NEDD4L: variants seen among roughly 807,000 people sequenced by gnomAD.
NEDD4L encodes E3 ubiquitin-protein ligase NEDD4-like.
NEDD4L carries 54 observed loss-of-function variants against 148.9 expected under a neutral mutation model. The observed-to-expected ratio is 0.36, with a 90% confidence interval of 0.29 to 0.45. The LOEUF is 0.45. NEDD4L is among the 20% of genes least tolerant of loss of function. The probability of loss-of-function intolerance (pLI) is 1.00; values close to 1 mark genes in which losing one functional copy is unlikely to be tolerated. For missense variants in NEDD4L, 856 were observed against 1,233.8 expected, an observed-to-expected ratio of 0.69 and a Z score of 4.59; for synonymous variants, 433 against 440.7, an observed-to-expected ratio of 0.98 and a Z score of 0.22.
chr18:58,064,210 C>T (rs549169521), intron 1 of NEDD4L, among the ~76,000 whole-genome samples: 4 of 152,112 alleles, frequency 2.6e-5, no homozygotes, highest in South Asian at 2.1e-4. Flanking sequence ...GTGATCTGCC[C>T]GTCTCGGCTT....
intron 5 of NEDD4L, among the ~76,000 whole-genome samples, chr18:58,263,007 A>G (rs2049663670): frequency 6.6e-6 from 1 of 152,202 alleles, no homozygotes; most frequent in Non-Finnish European, 1.5e-5. Context: ...CTGTTCTGAC[A>G]CTTTTGAGTA....
At chr18:58,325,438 G>C (rs2059228817) in intron 9 of NEDD4L, among the ~76,000 whole-genome samples, 1 of 152,198 alleles carries the variant, frequency 6.6e-6, no homozygotes, top group Non-Finnish European at 1.5e-5. Context: ...GAAATACAAA[G>C]CAGAGGTTGT....
intron 2 of NEDD4L, among the ~76,000 whole-genome samples, chr18:58,238,319 G>T (rs2046260743): frequency 6.6e-6 from 1 of 152,258 alleles, no homozygotes; most frequent in East Asian, 1.9e-4. Context: ...GCCCTTTAGG[G>T]TTTGTTATTG....
chr18:58,143,678 C>T (rs1002704938), intron 1 of NEDD4L, among the ~76,000 whole-genome samples: 5 of 152,106 alleles, frequency 3.3e-5, no homozygotes, highest in Admixed American at 6.5e-5. Context: ...CCAGAGAGGC[C>T]GTGGATGGGA....
chr18:58,044,954 C>A, intron 1 of NEDD4L: 1 of 455,338 alleles, frequency 2.2e-6, no homozygotes, highest in Non-Finnish European at 3.9e-6. Context: ...GGGGTTCACT[C>A]CGCAGCTCCT....
At chr18:58,046,730 T>G (rs543285781) in intron 1 of NEDD4L, 1 of 152,350 alleles carries the variant, frequency 6.6e-6, no homozygotes, top group Non-Finnish European at 1.5e-5. Flanking sequence ...CTGGATTCAC[T>G]CCTGCATGTT....
intron 5 of NEDD4L, among the ~76,000 whole-genome samples, chr18:58,276,678 T>TATAATA (rs200793115): frequency 1.4e-5 from 2 of 141,088 alleles, no homozygotes; most frequent in African/African-American, 5.6e-5. Flanking sequence ...TGTGGTCAGC[T>TATAATA]ATAATAATAA....
intron 1 of NEDD4L, among the ~76,000 whole-genome samples, chr18:58,116,077 C>T (rs1037215061): frequency 1.8e-4 from 27 of 152,220 alleles, no homozygotes; most frequent in African/African-American, 6.0e-4. Context: ...TGTGCCTGCA[C>T]AGGGACCCAG....
chr18:58,116,872 C>T (rs60164410), intron 1 of NEDD4L, among the ~76,000 whole-genome samples: 28,097 of 152,222 alleles, frequency 0.18, 2,959 homozygotes, highest in East Asian at 0.43. Context: ...CAGCAAGGAG[C>T]GGGGGCTTGG....
intron 19 of NEDD4L, among the ~76,000 whole-genome samples, chr18:58,363,492 G>A (rs377496077): frequency 6.6e-5 from 10 of 152,086 alleles, no homozygotes; most frequent in South Asian, 2.1e-4. Flanking sequence ...CAAAACTCAC[G>A]GCCCTGACTC....
chr18:58,368,246 C>T (rs545613267), intron 22 of NEDD4L, among the ~76,000 whole-genome samples: 2 of 107,690 alleles, frequency 1.9e-5, no homozygotes, highest in East Asian at 4.5e-4. Context: ...GCGTTTGTCC[C>T]CAAATTATTT....
intron 2 of NEDD4L, among the ~76,000 whole-genome samples, chr18:58,224,303 TGA>T (rs2044109227): frequency 6.6e-6 from 1 of 152,150 alleles, no homozygotes; most frequent in South Asian, 2.1e-4. Flanking sequence ...CAGAAGCCAT[TGA>T]GAGTCCTGGG....
At position 58,163,086 on chromosome 18, in the gene NEDD4L, A is replaced by T. The variant is rs533196842; in HGVS notation, c.49-2702A>T. 1.0e-3 allele frequency among the ~76,000 whole-genome samples: 152 copies of T among 150,746 alleles called. 1 individual carries two copies. Among genetic ancestry groups the T allele is most frequent in the African/African-American group, 3.4e-3 (139 of 40,700 alleles). On this transcript the variant is annotated intron_variant, in intron 1 of 30. Transcript: ENST00000400345. Reference sequence around the variant, plus strand: ...CTCAAAAAAAAGAAAAAAAAAAAAGAAATGGGGTGTTGCTATGTTGCCCAG... The same window carrying T: ...CTCAAAAAAAAGAAAAAAAAAAAAGTAATGGGGTGTTGCTATGTTGCCCAG...
chr18:58,395,921 C>T lies in NEDD4L; in HGVS notation c.2826-246C>T, dbSNP rs6566965. Among the ~76,000 whole-genome samples the T allele has an allele frequency of 0.052, 7,895 of 152,176 alleles. 272 individuals carry two copies. Among genetic ancestry groups the T allele is most frequent in the South Asian group, 0.18 (877 of 4,812 alleles). ...TACTCCCTTCCCACCAGGATTCCTC[C>T]GAGATCTGCATCTGACTATAGCAAA... On this transcript the variant is annotated intron_variant, in intron 30 of 30. Transcript: ENST00000400345.
chr18:58,052,553 A>G (rs1308889632), intron 1 of NEDD4L, among the ~76,000 whole-genome samples: 2 of 151,968 alleles, frequency 1.3e-5, no homozygotes, highest in African/African-American at 2.4e-5. Flanking sequence ...GTGTTTGGTG[A>G]CTTCTTGGCA....
intron 2 of NEDD4L, among the ~76,000 whole-genome samples, chr18:58,224,317 G>T (rs1373003580): frequency 3.9e-5 from 6 of 152,220 alleles, no homozygotes; most frequent in Admixed American, 3.9e-4. Context: ...AGTCCTGGGG[G>T]TGTGATCTTT....
rs72951117 is a variant in NEDD4L, at chr18:58,266,850, A to C, written c.297+14796A>C. The stretch of plus-strand genomic sequence containing the variant: ...TGTTTTGAAGTGTTGGAGTTAATCC[A>C]GATAAAGTTACAAATCTAAGCAGAC... On this transcript the variant is annotated intron_variant, in intron 5 of 30. Transcript: ENST00000400345. Among the ~76,000 whole-genome samples the C allele has an allele frequency of 2.7e-3, 406 of 152,266 alleles. 5 individuals are homozygous for C. The highest frequency in any genetic ancestry group is 0.01 in the Middle Eastern group (3 of 294).
chr18:58,275,392 C>T (rs1055484482), intron 5 of NEDD4L, among the ~76,000 whole-genome samples: 1 of 152,118 alleles, frequency 6.6e-6, no homozygotes, highest in African/African-American at 2.4e-5. Context: ...AGCTCAAACC[C>T]ATCTTGTTCA....
At chr18:58,229,757 C>T (rs1325047193) in intron 2 of NEDD4L, among the ~76,000 whole-genome samples, 1 of 151,946 alleles carries the variant, frequency 6.6e-6, no homozygotes, top group Admixed American at 6.6e-5. Flanking sequence ...TTTGGGAGGC[C>T]GAGGCGGGCG....
Sources: allele counts gnomAD v4.1 joint callset (sites outside exome capture counted in the v4.1 genomes callset), GRCh38; gene constraint gnomAD v4.1.1; transcripts MANE v1.5; gene names NCBI Gene and HGNC (gene_info 2026-07-23, HGNC 2026-07-21).